Variants in SATL1 observed in about 807,000 individuals in gnomAD.
The protein encoded by SATL1 is spermidine/spermine N1-acetyl transferase like 1, also known as spermidine/spermine N(1)-acetyltransferase-like protein 1.
In SATL1, 47 loss-of-function variants were observed where a neutral mutation model predicts 51.8. The ratio of observed to expected loss-of-function variants is 0.91; its 90% CI spans 0.72 to 1.16. The LOEUF is 1.16. Among genes scored for constraint, SATL1 ranks in the 50% most tolerant of loss-of-function variants. SATL1 has a pLI of 0.00. For missense variants in SATL1, 520 were observed against 526.4 expected (o/e 0.99, Z 0.12); for synonymous variants, 176 against 182.4 (o/e 0.97, Z 0.28).
chrX:85,110,903 A>G (rs1359146468), intron 2 of SATL1, among the ~76,000 whole-genome samples: 1 of 112,892 alleles, frequency 8.9e-6, no homozygotes, highest in African/African-American at 3.2e-5. Context: ...TATTAACCCA[A>G]TCCTCATAAC....
chrX:85,184,342 T>C (rs1927269187), intron 2 of SATL1, among the ~76,000 whole-genome samples: 1 of 111,492 alleles, frequency 9.0e-6, no homozygotes, highest in African/African-American at 3.3e-5. Context: ...GCTATGGTCT[T>C]CTTGTACTTG....
At chrX:85,163,728 T>G (rs943500644) in intron 2 of SATL1, among the ~76,000 whole-genome samples, 1 of 111,675 alleles carries the variant, frequency 9.0e-6, no homozygotes, top group Non-Finnish European at 1.9e-5. Context: ...AGAATGCATA[T>G]TCTGCAGTTG....
chrX:85,166,933 A>ATATATATG (rs1325369840), intron 2 of SATL1, among the ~76,000 whole-genome samples: 8 of 87,925 alleles, frequency 9.1e-5, no homozygotes, highest in African/African-American at 4.5e-4. Flanking sequence ...ATATATATAT[A>ATATATATG]TATGTGTATG....
rs144002240 is a variant in SATL1, at chrX:85,223,106, A to G, written c.-313+1099T>C. ...CAGAGGAATTTTCCCTCTTTCTTCT[A>G]TGGCTAAGCTTTTATTTTAATAGAT... On this transcript the variant is annotated intron_variant, in intron 2 of 7. Coordinates refer to ENST00000644105, the MANE Select transcript of SATL1 (RefSeq NM_001367857.2). Among the ~76,000 whole-genome samples the G allele has an allele frequency of 1.3e-4, 14 of 111,700 alleles. No homozygotes were observed. In the East Asian group the frequency reaches 3.4e-3, roughly 27 times the overall value.
intron 2 of SATL1, among the ~76,000 whole-genome samples, chrX:85,213,770 T>C (rs1776688922): frequency 9.0e-6 from 1 of 111,486 alleles, no homozygotes; most frequent in African/African-American, 3.3e-5. Flanking sequence ...AGGAAAGATA[T>C]ATCATCTATG....
chrX:85,190,121 T>C (rs760496102), intron 2 of SATL1, among the ~76,000 whole-genome samples: 7 of 112,080 alleles, frequency 6.2e-5, no homozygotes, highest in Non-Finnish European at 1.1e-4. Context: ...ACATTTGTTA[T>C]AATAAGCTAA....
At chrX:85,167,726 G>T (rs1926872387) in intron 2 of SATL1, among the ~76,000 whole-genome samples, 1 of 111,137 alleles carries the variant, frequency 9.0e-6, no homozygotes, top group Admixed American at 9.6e-5. Flanking sequence ...AGAAGAGCAG[G>T]TACCACTCCT....
chrX:85,182,191 T>A (rs1437633343), intron 2 of SATL1, among the ~76,000 whole-genome samples: 1 of 111,327 alleles, frequency 9.0e-6, no homozygotes, highest in Non-Finnish European at 1.9e-5. Flanking sequence ...AATTAATCCT[T>A]CTATCTAGCT....
chrX:85,197,845 G>T (rs1301188989), intron 2 of SATL1, among the ~76,000 whole-genome samples: 1 of 110,070 alleles, frequency 9.1e-6, no homozygotes. Flanking sequence ...TTTTATGGCT[G>T]CATAGTATTC....
At chrX:85,128,589 C>A (rs142180034) in intron 2 of SATL1, among the ~76,000 whole-genome samples, 16,762 of 111,469 alleles carry the variant, frequency 0.15, 1,375 homozygotes, top group African/African-American at 0.31. Flanking sequence ...TTCTCCCATT[C>A]TTTAGATTGC....
intron 2 of SATL1, among the ~76,000 whole-genome samples, chrX:85,159,025 T>C (rs769789367): frequency 8.9e-6 from 1 of 111,805 alleles, no homozygotes; most frequent in Non-Finnish European, 1.9e-5. Context: ...TAATTTGTCA[T>C]TTGAAGTTGT....
At chrX:85,172,473 G>A (rs1926992834) in intron 2 of SATL1, among the ~76,000 whole-genome samples, 1 of 110,478 alleles carries the variant, frequency 9.1e-6, no homozygotes, top group Non-Finnish European at 1.9e-5. Flanking sequence ...AAGACAATGT[G>A]GTGCTTAGAG....
intron 2 of SATL1, among the ~76,000 whole-genome samples, chrX:85,156,839 AT>A (rs1379877691): frequency 6.6e-4 from 11 of 16,673 alleles, no homozygotes; most frequent in Middle Eastern, 0.11. Flanking sequence ...ATATATATAT[AT>A]ATATATATAT....
intron 2 of SATL1, among the ~76,000 whole-genome samples, chrX:85,156,867 A>G (rs1477319184): frequency 1.4e-5 from 1 of 69,806 alleles, no homozygotes; most frequent in African/African-American, 6.5e-5. Flanking sequence ...ATATATATAT[A>G]TAAAATATGT....
At chrX:85,241,850 T>A (rs1455627569) in intron 1 of SATL1, among the ~76,000 whole-genome samples, 1 of 112,096 alleles carries the variant, frequency 8.9e-6, no homozygotes, top group African/African-American at 3.2e-5. Flanking sequence ...ATTACTACTG[T>A]CCCATTGGTG....
chrX:85,166,238 G>A (rs1211903630), intron 2 of SATL1, among the ~76,000 whole-genome samples: 1 of 111,418 alleles, frequency 9.0e-6, no homozygotes, highest in Non-Finnish European at 1.9e-5. Flanking sequence ...ATGACCAATA[G>A]CACAAAGGTA....
chrX:85,123,201 A>T (rs1925545077), intron 2 of SATL1, among the ~76,000 whole-genome samples: 1 of 111,670 alleles, frequency 9.0e-6, no homozygotes, highest in Non-Finnish European at 1.9e-5. Context: ...TTGCTGGATC[A>T]AATAGAAATT....
intron 2 of SATL1, among the ~76,000 whole-genome samples, chrX:85,119,412 A>G (rs1242181015): frequency 7.2e-5 from 8 of 111,428 alleles, no homozygotes; most frequent in Admixed American, 4.8e-4. Context: ...AGCTAGTATG[A>G]CTCCAGAGCC....
intron 2 of SATL1, among the ~76,000 whole-genome samples, chrX:85,139,195 A>G (rs765712096): frequency 2.7e-5 from 3 of 111,229 alleles, no homozygotes; most frequent in Non-Finnish European, 5.7e-5. Flanking sequence ...GGGATAAAGT[A>G]TTTAAATGGA....
Sources: gnomAD v4.1 joint callset for allele counts (sites outside exome capture counted in the v4.1 genomes callset) on GRCh38, gnomAD v4.1.1 for gene constraint, MANE v1.5 for transcripts, NCBI Gene and HGNC (gene_info 2026-07-23, HGNC 2026-07-21) for gene names.